Variants in PIK3C2G observed in about 807,000 individuals in gnomAD.
PIK3C2G encodes phosphatidylinositol 3-kinase C2 domain-containing subunit gamma.
In PIK3C2G, 168 loss-of-function variants were observed where a neutral mutation model predicts 181.1. The ratio of observed to expected loss-of-function variants is 0.93; its 90% CI spans 0.82 to 1.05. PIK3C2G has a LOEUF of 1.05. Among genes scored for constraint, PIK3C2G ranks in the 50% least tolerant of loss-of-function variants. The pLI is 0.00. For synonymous variants in PIK3C2G, 573 were observed against 592.2 expected (o/e 0.97, Z 0.47); for missense variants, 1,869 against 1,732.8 (o/e 1.08, Z -1.40).
chr12:18,583,361 G>C (rs932950974), intron 29 of PIK3C2G, among the ~76,000 whole-genome samples: 2 of 152,066 alleles, frequency 1.3e-5, no homozygotes, highest in Non-Finnish European at 2.9e-5. Flanking sequence ...TGGCCAGACT[G>C]TTTGTTACAT....
intron 30 of PIK3C2G, among the ~76,000 whole-genome samples, chr12:18,601,272 C>A (rs1947694560): frequency 6.8e-6 from 1 of 147,316 alleles, no homozygotes; most frequent in Non-Finnish European, 1.5e-5. Flanking sequence ...ACAAAACAAC[C>A]AATAAAATAA....
intron 15 of PIK3C2G, among the ~76,000 whole-genome samples, chr12:18,398,775 T>C (rs1438650164): frequency 2.6e-5 from 4 of 152,236 alleles, no homozygotes; most frequent in African/African-American, 7.2e-5. Context: ...AAACTTCCCA[T>C]GAACTCTGAA....
At chr12:18,651,522 T>G (rs1247149618), downstream of PIK3C2G, among the ~76,000 whole-genome samples, 2 of 152,164 alleles carry the variant, frequency 1.3e-5, no homozygotes, top group East Asian at 1.9e-4. Context: ...TCACTGACAG[T>G]AGAGACTTAG....
At chr12:18,490,841 G>C (rs892637236) in intron 19 of PIK3C2G, among the ~76,000 whole-genome samples, 4 of 152,128 alleles carry the variant, frequency 2.6e-5, no homozygotes, top group Admixed American at 1.3e-4. Context: ...CAATTTAAAG[G>C]TGTTGTTTGT....
the PIK3C2G span, chr12:18,693,964 G>A: frequency 2.0e-6 from 3 of 1,514,428 alleles, no homozygotes; most frequent in Admixed American, 1.7e-5. Flanking sequence ...CTGACATCAA[G>A]GCAGTCTGTA....
At chr12:18,700,738 A>G in the PIK3C2G span, among the ~76,000 whole-genome samples, 8 of 152,022 alleles carry the variant, frequency 5.3e-5, no homozygotes, top group African/African-American at 1.7e-4. Flanking sequence ...CTTTTCATCT[A>G]TGTAGGCCAA....
intron 31 of PIK3C2G, among the ~76,000 whole-genome samples, chr12:18,636,914 G>A (rs11044227): frequency 0.075 from 11,348 of 152,238 alleles, 535 homozygotes; most frequent in Middle Eastern, 0.17. Flanking sequence ...CACAGGTCAG[G>A]AAACCAATGT....
In PIK3C2G at chr12:18,282,532, T is replaced by C. The variant is rs371431666; in HGVS notation, c.451T>C (p.Leu151=). ...TATTTTAGCTCCATCATTCACAAGT[T>C]TGGATAAAATTAATCTAGAGAAAGA... ...FSILAPSFTS[L]DKINLEKELE... The change falls in exon 2 of 33, where the codon TTG becomes CTG. Residue 151 remains leucine, a synonymous_variant. Coordinates refer to ENST00000538779, the MANE Select transcript of PIK3C2G (RefSeq NM_001288772.2). The C allele has an allele frequency of 1.3e-5, 21 of 1,611,120 alleles. No homozygotes were observed. The South Asian group carries it at 1.4e-4, about 11-fold the overall frequency.
intron 30 of PIK3C2G, among the ~76,000 whole-genome samples, chr12:18,601,979 G>A: frequency 6.6e-6 from 1 of 152,096 alleles, no homozygotes; most frequent in East Asian, 1.9e-4. Flanking sequence ...AACTGCACAG[G>A]GAGAAAGAAT....
intron 18 of PIK3C2G, among the ~76,000 whole-genome samples, chr12:18,483,870 C>T (rs1318640461): frequency 6.6e-6 from 1 of 152,186 alleles, no homozygotes; most frequent in Non-Finnish European, 1.5e-5. Flanking sequence ...ACTCAGGCTG[C>T]AGACTTGCTG....
At chr12:18,572,994 T>C (rs2136384377) in intron 29 of PIK3C2G, among the ~76,000 whole-genome samples, 1 of 152,328 alleles carries the variant, frequency 6.6e-6, no homozygotes, top group Non-Finnish European at 1.5e-5. Context: ...CTGCAAATAG[T>C]AAGCATAGTT....
chr12:18,267,160 T>C (rs1293038549), intron 1 of PIK3C2G, among the ~76,000 whole-genome samples: 2 of 152,108 alleles, frequency 1.3e-5, no homozygotes, highest in East Asian at 3.9e-4. Flanking sequence ...CAATTTTTAA[T>C]TCAAAATTTA....
At chr12:18,417,966 A>G (rs1447202522) in intron 16 of PIK3C2G, among the ~76,000 whole-genome samples, 1 of 152,162 alleles carries the variant, frequency 6.6e-6, no homozygotes, top group East Asian at 1.9e-4. Flanking sequence ...ATTGCAACCA[A>G]TGGAAACTAT....
chr12:18,487,427 C>T (rs1166542088), intron 18 of PIK3C2G, among the ~76,000 whole-genome samples: 1 of 151,724 alleles, frequency 6.6e-6, no homozygotes, highest in Non-Finnish European at 1.5e-5. Context: ...ATTTAAAAAT[C>T]CTTTTTTTTT....
At chr12:18,467,349 AC>A (rs1452184456) in intron 18 of PIK3C2G, among the ~76,000 whole-genome samples, 3 of 151,978 alleles carry the variant, frequency 2.0e-5, no homozygotes, top group Non-Finnish European at 2.9e-5. Context: ...AACCTCCAAA[AC>A]CACAAAGCAA....
At chr12:18,529,783 A>G (rs1168207373) in intron 24 of PIK3C2G, among the ~76,000 whole-genome samples, 1 of 152,148 alleles carries the variant, frequency 6.6e-6, no homozygotes, top group African/African-American at 2.4e-5. Context: ...GGCTGGTGCT[A>G]TTGGAAAGAT....
chr12:18,382,194 T>C lies in PIK3C2G; in HGVS notation c.1995+314T>C, dbSNP rs559693886. Among the ~76,000 whole-genome samples, 3 of 152,300 alleles carry C rather than the reference T, an allele frequency of 2.0e-5. No homozygotes were observed. In the South Asian group the frequency reaches 6.2e-4, roughly 32 times the overall value. The stretch of plus-strand genomic sequence containing the variant: ...TCTTTCTATTGTCTAAAAACAGTCA[T>C]TGGTATGTATTATTAACTTGGTATC... On this transcript the variant is annotated intron_variant, in intron 14 of 32. Transcript: ENST00000538779.
intron 9 of PIK3C2G, 115 bp downstream of exon 9, chr12:18,338,663 C>CTGTGTGTGTGTGTGTGTG (rs199613361): frequency 2.4e-5 from 10 of 413,934 alleles, no homozygotes; most frequent in Non-Finnish European, 4.0e-5. Flanking sequence ...TTGTGTGTAT[C>CTGTGTGTGTGTGTGTGTG]TGTGTGTGTG....
intron 18 of PIK3C2G, among the ~76,000 whole-genome samples, chr12:18,484,633 A>G (rs1035813000): frequency 6.6e-6 from 1 of 152,214 alleles, no homozygotes; most frequent in Non-Finnish European, 1.5e-5. Context: ...GAGCAAATCA[A>G]TATTCTAAAA....
Sources: allele counts gnomAD v4.1 joint callset (sites outside exome capture counted in the v4.1 genomes callset), GRCh38; gene constraint gnomAD v4.1.1; transcripts MANE v1.5; gene names NCBI Gene and HGNC (gene_info 2026-07-23, HGNC 2026-07-21).